Variants in CYP2E1 observed in about 807,000 individuals in gnomAD.
CYP2E1 encodes the protein cytochrome P450 2E1.
Under a neutral mutation model 42.9 loss-of-function variants are expected in CYP2E1, and 31 were observed. The ratio of observed to expected loss-of-function variants is 0.72; its 90% CI spans 0.54 to 0.98. The LOEUF (loss-of-function observed/expected upper bound fraction) is 0.98. Ranked by LOEUF, CYP2E1 falls within the 50% of genes least tolerant of loss-of-function variation. The pLI is 0.00. For synonymous variants in CYP2E1, 244 were observed against 248.9 expected (o/e 0.98, Z 0.19); for missense variants, 565 against 633.2 (o/e 0.89, Z 1.16).
At chr10:133,532,489 A>G (rs563829665) in intron 4 of CYP2E1, among the ~76,000 whole-genome samples, 4 of 152,228 alleles carry the variant, frequency 2.6e-5, no homozygotes, top group Non-Finnish European at 4.4e-5. Flanking sequence ...CAGGATGTGT[A>G]TCGACCTGTG....
At chr10:133,534,972 C>T (rs1055895211) in intron 6 of CYP2E1, among the ~76,000 whole-genome samples, 3 of 151,812 alleles carry the variant, frequency 2.0e-5, no homozygotes, top group Non-Finnish European at 4.4e-5. Flanking sequence ...TCAAGCGATC[C>T]TCCCACCTCA....
chr10:133,531,829 G>A lies in CYP2E1; in HGVS notation c.487+95G>A, dbSNP rs953231465. ...CTCCTAGACTGCATCTGAACCACAG[G>A]GACCTACGGACAAGGAGAGGGTCTC... On this transcript the variant is annotated intron_variant, in intron 3 of 8. Coordinates refer to ENST00000252945, the MANE Select transcript of CYP2E1 (RefSeq NM_000773.4). The A allele has an allele frequency of 7.7e-6, 10 of 1,291,078 alleles. No individual in the cohort carries two copies. The South Asian group carries it at 1.2e-4, about 15-fold the overall frequency. The allele number at this position is 1,291,078 out of a possible 1,614,324, so 80.0% of individuals were successfully genotyped here.
rs150514905 is a variant in CYP2E1, at chr10:133,537,144, T to G, written c.1049T>G (p.Met350Arg). ...AAGGATAGGCAAGAGATGCCCTACA[T>G]GGATGCTGTGGTGCATGAGATTCAG... ...AIKDRQEMPYMDAVVHEIQRF... is the reference protein window; with the variant it reads ...AIKDRQEMPYRDAVVHEIQRF... Residue 350 changes from methionine to arginine, a missense_variant, in exon 7 of 9, where the codon ATG (methionine) becomes AGG (arginine). Transcript: ENST00000252945. 1.8e-4 allele frequency: 288 copies of G among 1,613,964 alleles called. No individual in the cohort carries two copies. Among genetic ancestry groups the G allele is most frequent in the Non-Finnish European group, 2.2e-4 (259 of 1,179,976 alleles).
chr10:133,538,693 C>A, intron 8 of CYP2E1, 87 bp from the exon 9 acceptor site: 1 of 1,232,036 alleles, frequency 8.1e-7, no homozygotes, highest in Non-Finnish European at 1.2e-6. Context: ...ACAGCCTCCT[C>A]CTCCCCGCTT....
chr10:133,536,477 G>T (rs938326228), intron 6 of CYP2E1, among the ~76,000 whole-genome samples: 1 of 143,768 alleles, frequency 7.0e-6, no homozygotes, highest in Admixed American at 7.0e-5. Context: ...GGATGGATGG[G>T]TCAATGGATG....
At chr10:133,532,917 T>C (rs897254765) in intron 5 of CYP2E1, 49 bp downstream of exon 5, 3 of 1,521,864 alleles carry the variant, frequency 2.0e-6, no homozygotes, top group Non-Finnish European at 1.8e-6. Context: ...GGGCAGAGAA[T>C]GCACAATTTC....
At chr10:133,529,852 T>A (rs1375291155) in intron 2 of CYP2E1, among the ~76,000 whole-genome samples, 1 of 152,160 alleles carries the variant, frequency 6.6e-6, no homozygotes, top group Non-Finnish European at 1.5e-5. Flanking sequence ...TTCCTTCTTC[T>A]GCATTGTGGG....
In CYP2E1 at chr10:133,533,812, C is replaced by T. The variant is rs367879853; in HGVS notation, c.882C>T (p.Ala294=). The change falls in exon 6 of 9, where the codon GCC becomes GCT. Residue 294 remains alanine, a synonymous_variant. Transcript: ENST00000252945. The stretch of plus-strand genomic sequence containing the variant: ...TGGACGGTATCACCGTGACTGTGGC[C>T]GACCTGTTCTTTGCGGGGACAGAGA... ...YTMDGITVTV[A]DLFFAGTETT... is the part of the protein sequence containing the mutation. 1.5e-4 allele frequency: 244 copies of T among 1,613,984 alleles called. 1 individual carries two copies. The highest frequency in any genetic ancestry group is 1.7e-4 in the Non-Finnish European group (196 of 1,180,010).
chr10:133,537,878 A>G lies in CYP2E1; in HGVS notation c.1283A>G (p.Lys428Arg). 1 of 1,613,840 alleles carries G rather than the reference A, an allele frequency of 6.2e-7. No homozygotes were observed. The change falls in exon 8 of 9, where the codon AAG (lysine) becomes AGG (arginine). Residue 428 changes from lysine (K) to arginine (R), a missense_variant. Transcript: ENST00000252945. ...AAGTTCAAGTACAGTGACTATTTCA[A>G]GCCATTTTCCACAGGTGAGAAAGAT... The part of the protein sequence containing the change: ...NGKFKYSDYF[K>R]PFSTGKRVCA...
chr10:133,536,986 A>AGATGGTTGGAT (rs147973606), intron 6 of CYP2E1, 77 bp from the exon 7 acceptor site: 2 of 1,046,588 alleles, frequency 1.9e-6, no homozygotes, highest in Non-Finnish European at 2.9e-6. Context: ...GTGATTGAAT[A>AGATGGTTGGAT]GATGGGTGGA....
rs762813109 is a variant in CYP2E1, at chr10:133,537,098, C to A, written c.1003C>A (p.Pro335Thr). 6.2e-7 allele frequency: 1 copy of A among 1,613,812 alleles called. No individual in the cohort carries two copies. Among genetic ancestry groups the A allele is most frequent in the South Asian group, 1.1e-5 (1 of 91,046 alleles). ...TGAAGAAATTGACAGGGTGATTGGG[C>A]CAAGCCGAATCCCTGCCATCAAGGA... ...LHEEIDRVIG[P>T]SRIPAIKDRQ... The change falls in exon 7 of 9, where the codon CCA (proline) becomes ACA (threonine). Residue 335 changes from proline to threonine, a missense_variant. By Grantham distance (38) the Pro-to-Thr change is conservative (BLOSUM62 -1). Transcript: ENST00000252945.
At position 133,539,000 on chromosome 10, in the gene CYP2E1, A is replaced by G; in HGVS notation, c.*36A>G. On this transcript the variant is annotated 3_prime_UTR_variant, in exon 9 of 9. Coordinates refer to ENST00000252945, the MANE Select transcript of CYP2E1 (RefSeq NM_000773.4). Reference sequence around the variant, plus strand: ...GACACCCTGAACCCCCCGCTTTCAAACAAGTTTTCAAATTGTTTGAGGTCA... The same window carrying G: ...GACACCCTGAACCCCCCGCTTTCAAGCAAGTTTTCAAATTGTTTGAGGTCA... The G allele has an allele frequency of 1.3e-6, 2 of 1,528,176 alleles. No individual in the cohort carries two copies. The highest frequency in any genetic ancestry group is 3.5e-4 in the Middle Eastern group (2 of 5,754). The allele number at this position is 1,528,176 out of a possible 1,614,324, so 94.7% of individuals were successfully genotyped here. A position where few individuals can be genotyped will look rare whatever the true frequency, so the allele number is the denominator to read the frequency against.
chr10:133,531,454 CTG>C (rs1564847913), intron 2 of CYP2E1, 129 bp from the exon 3 acceptor site: 2 of 1,094,220 alleles, frequency 1.8e-6, no homozygotes, highest in African/African-American at 3.1e-5. Flanking sequence ...CTCTGTCTCT[CTG>C]TCCCTCTGCC....
intron 1 of CYP2E1, 96 bp from the exon 2 acceptor site, chr10:133,528,385 G>A: frequency 6.9e-7 from 1 of 1,448,548 alleles, no homozygotes; most frequent in Non-Finnish European, 9.4e-7. Flanking sequence ...GGGTTCTCTA[G>A]AGCAACAGCA....
intron 6 of CYP2E1, among the ~76,000 whole-genome samples, chr10:133,535,315 A>G (rs1438839491): frequency 1.3e-5 from 2 of 151,900 alleles, no homozygotes; most frequent in Non-Finnish European, 2.9e-5. Flanking sequence ...TAGCCTGACA[A>G]CAGAGCAAGA....
rs1851438524 is a variant in CYP2E1, at chr10:133,538,795, C to T, written c.1313C>T (p.Ala438Val). 6.2e-7 allele frequency: 1 copy of T among 1,613,860 alleles called. No homozygotes were observed. Among genetic ancestry groups the T allele is most frequent in the Non-Finnish European group, 8.5e-7 (1 of 1,179,860 alleles). ...TTACTTCTAGGAAAACGAGTGTGTG[C>T]TGGAGAAGGCCTGGCTCGCATGGAG... ...KPFSTGKRVC[A>V]GEGLARMELF... Residue 438 changes from alanine (A) to valine (V), a missense_variant, in exon 9 of 9, where the codon GCT becomes GTT. Physicochemically the swap from Ala to Val is moderately conservative, Grantham distance 64. Coordinates refer to ENST00000252945, the MANE Select transcript of CYP2E1 (RefSeq NM_000773.4).
chr10:133,533,926 C>A (rs372688363), intron 6 of CYP2E1, 29 bp downstream of exon 6: 1 of 1,611,844 alleles, frequency 6.2e-7, no homozygotes, highest in Non-Finnish European at 8.5e-7. Context: ...GGACACCGTG[C>A]GTGCGGCTGC....
chr10:133,527,695 A>G, intron 1 of CYP2E1, 123 bp downstream of exon 1: 1 of 765,214 alleles, frequency 1.3e-6, no homozygotes, highest in South Asian at 1.8e-5. Flanking sequence ...AATTACCTGA[A>G]TTGATAGCAT....
intron 6 of CYP2E1, among the ~76,000 whole-genome samples, chr10:133,535,142 T>C (rs1851382214): frequency 6.6e-6 from 1 of 152,064 alleles, no homozygotes; most frequent in South Asian, 2.1e-4. Context: ...GAGACCTTCC[T>C]GGCCAACATG....
Sources: gnomAD v4.1 joint callset for allele counts (sites outside exome capture counted in the v4.1 genomes callset) on GRCh38, gnomAD v4.1.1 for gene constraint, MANE v1.5 for transcripts, NCBI Gene and HGNC (gene_info 2026-07-23, HGNC 2026-07-21) for gene names.